The following TDRP variants were observed in gnomAD, a reference collection of about 807,000 sequenced individuals.
The protein encoded by TDRP is testis development related protein, also known as testis development-related protein.
A neutral mutation model predicts 10.5 loss-of-function variants in TDRP; 12 were observed. The ratio of observed to expected loss-of-function variants is 1.15; its 90% CI spans 0.73 to 1.86. TDRP has a LOEUF of 1.86. Among genes scored for constraint, TDRP ranks in the 40% most tolerant of loss-of-function variants. The probability of loss-of-function intolerance (pLI) is 0.00; values close to 1 mark genes in which losing one functional copy is unlikely to be tolerated. For synonymous variants in TDRP, 139 were observed against 95.4 expected (o/e 1.46, Z -2.67); for missense variants, 353 against 229.2 (o/e 1.54, Z -3.49).
chr8:495,236 AAAAC>A (rs1585132730), intron 1 of TDRP, among the ~76,000 whole-genome samples: 3 of 152,288 alleles, frequency 2.0e-5, no homozygotes, highest in Admixed American at 6.5e-5. Flanking sequence ...CCCATCTCAA[AAAAC>A]AAACAACAGC....
intron 1 of TDRP, among the ~76,000 whole-genome samples, chr8:497,543 A>G (rs574601212): frequency 3.9e-5 from 6 of 152,336 alleles, no homozygotes; most frequent in African/African-American, 1.2e-4. Flanking sequence ...CTTATGTTTA[A>G]AAGGCAAGCA....
chr8:517,865 T>C (rs970968329), intron 1 of TDRP, among the ~76,000 whole-genome samples: 4 of 152,202 alleles, frequency 2.6e-5, no homozygotes, highest in Non-Finnish European at 5.9e-5. Flanking sequence ...CTGAAAAGGC[T>C]ACACACTGTG....
chr8:509,984 C>T (rs1426637878), intron 1 of TDRP, among the ~76,000 whole-genome samples: 2 of 152,152 alleles, frequency 1.3e-5, no homozygotes, highest in Non-Finnish European at 2.9e-5. Flanking sequence ...TGTGTCACTG[C>T]ACTCCAGCCT....
At chr8:502,355 T>C (rs559775659) in intron 1 of TDRP, among the ~76,000 whole-genome samples, 3 of 152,106 alleles carry the variant, frequency 2.0e-5, no homozygotes, top group Non-Finnish European at 4.4e-5. Context: ...ATGAGACCCA[T>C]CAGGCCACAG....
At chr8:527,849 C>G (rs4735803) in intron 1 of TDRP, among the ~76,000 whole-genome samples, 71,510 of 151,996 alleles carry the variant, frequency 0.47, 17,518 homozygotes, top group Admixed American at 0.57. Flanking sequence ...GGACATTGGA[C>G]TAAGCAAAGA....
chr8:509,260 G>C lies in TDRP; in HGVS notation c.109-14663C>G, dbSNP rs116843044. Among the ~76,000 whole-genome samples the C allele has an allele frequency of 4.6e-3, 699 of 152,274 alleles. 4 individuals are homozygous for C. The highest frequency in any genetic ancestry group is 8.2e-3 in the Admixed American group (125 of 15,304). On this transcript the variant is annotated intron_variant, in intron 1 of 2. Transcript: ENST00000324079. ...TGGCCCTTTTTTCACAGTTACACTA[G>C]ACAGTGCCCCAGAGGGGACTCTCTG...
chr8:497,434 G>T (rs1037904509), intron 1 of TDRP, among the ~76,000 whole-genome samples: 15 of 152,204 alleles, frequency 9.9e-5, no homozygotes, highest in African/African-American at 3.6e-4. Flanking sequence ...ATATCTGGCA[G>T]AAGAAATTTC....
intron 1 of TDRP, among the ~76,000 whole-genome samples, chr8:532,296 G>A (rs1232993837): frequency 2.6e-5 from 4 of 152,192 alleles, no homozygotes; most frequent in Admixed American, 1.3e-4. Context: ...ACTTCAGGCT[G>A]TGTGGCAGCC....
At chr8:544,339 G>C (rs1002575696) in intron 1 of TDRP, among the ~76,000 whole-genome samples, 2 of 152,010 alleles carry the variant, frequency 1.3e-5, no homozygotes, top group African/African-American at 4.8e-5. Context: ...TGCGCCCCGA[G>C]TAACACGTGC....
chr8:492,287 T>C lies in TDRP; in HGVS notation c.*112A>G. On this transcript the variant is annotated 3_prime_UTR_variant, in exon 3 of 3. Coordinates refer to ENST00000324079, the MANE Select transcript of TDRP (RefSeq NM_001384899.1). ...AAGAAACAGAGGTCCAAATATCAAA[T>C]ATAGGCAAAAAGTAGACTCTCTATT... 7.4e-7 allele frequency: 1 copy of C among 1,346,638 alleles called. No individual in the cohort carries two copies. 83.4% of individuals were successfully genotyped at this position (1,346,638 alleles called of 1,614,324 possible).
At chr8:497,299 GA>G (rs1801161949) in intron 1 of TDRP, among the ~76,000 whole-genome samples, 1 of 152,240 alleles carries the variant, frequency 6.6e-6, no homozygotes, top group Admixed American at 6.5e-5. Context: ...CTCAAATGGA[GA>G]TGAGGAACTT....
At chr8:523,947 G>A (rs991264573) in intron 1 of TDRP, among the ~76,000 whole-genome samples, 48 of 152,192 alleles carry the variant, frequency 3.2e-4, no homozygotes, top group African/African-American at 1.0e-3. Context: ...AGGGCCTTTA[G>A]CGAACAAAAG....
chr8:538,968 G>A (rs1304532744), intron 1 of TDRP, among the ~76,000 whole-genome samples: 3 of 152,152 alleles, frequency 2.0e-5, no homozygotes, highest in Admixed American at 6.5e-5. Context: ...ACAAATGCAC[G>A]CATCCTCGGA....
chr8:521,246 C>CAAAAAAAAAAAAAAAAA (rs57263869), intron 1 of TDRP, among the ~76,000 whole-genome samples: 1 of 84,576 alleles, frequency 1.2e-5, no homozygotes, highest in African/African-American at 4.7e-5. Flanking sequence ...ACTAAAAATC[C>CAAAAAAAAAAAAAAAAA]AAAAAAAAAA....
chr8:497,296 G>A (rs1319356619), intron 1 of TDRP, among the ~76,000 whole-genome samples: 1 of 152,220 alleles, frequency 6.6e-6, no homozygotes, highest in Non-Finnish European at 1.5e-5. Flanking sequence ...AGTCTCAAAT[G>A]GAGATGAGGA....
intron 1 of TDRP, among the ~76,000 whole-genome samples, chr8:520,497 T>C (rs1265167958): frequency 6.6e-6 from 1 of 152,208 alleles, no homozygotes; most frequent in Non-Finnish European, 1.5e-5. Context: ...AATTCTATTT[T>C]TAACTTTTTG....
At chr8:521,634 C>G (rs796295976) in intron 1 of TDRP, among the ~76,000 whole-genome samples, 103 of 152,228 alleles carry the variant, frequency 6.8e-4, no homozygotes, top group African/African-American at 2.3e-3. Context: ...CATTACTGTA[C>G]TTGTATAATT....
intron 1 of TDRP, among the ~76,000 whole-genome samples, chr8:497,397 C>G (rs964065144): frequency 1.3e-5 from 2 of 152,150 alleles, no homozygotes; most frequent in African/African-American, 4.8e-5. Flanking sequence ...ATATGTGGAA[C>G]CTTGAACTAG....
intron 1 of TDRP, among the ~76,000 whole-genome samples, chr8:527,844 T>C (rs35565482): frequency 0.2 from 30,659 of 152,066 alleles, 3,431 homozygotes; most frequent in African/African-American, 0.29. Flanking sequence ...CTCCAGGACA[T>C]TGGACTAAGC....
Sources: gnomAD v4.1 joint callset for allele counts (sites outside exome capture counted in the v4.1 genomes callset) on GRCh38, gnomAD v4.1.1 for gene constraint, MANE v1.5 for transcripts, NCBI Gene and HGNC (gene_info 2026-07-23, HGNC 2026-07-21) for gene names.